Variants in ARK2C observed in about 807,000 individuals in gnomAD.
ARK2C encodes the protein E3 ubiquitin-protein ligase ARK2C.
chr18:46,447,458 AG>A, the ARK2C span: 5 of 1,235,788 alleles, frequency 4.0e-6, no homozygotes, highest in Non-Finnish European at 5.9e-6. Flanking sequence ...CAGCTCTGGC[AG>A]GGTGTCACTC....
the ARK2C span, among the ~76,000 whole-genome samples, chr18:46,342,500 A>G: frequency 6.6e-6 from 1 of 152,354 alleles, no homozygotes; most frequent in East Asian, 1.9e-4. Context: ...GGGAGGGTGC[A>G]TGGTGGACCA....
the ARK2C span, among the ~76,000 whole-genome samples, chr18:46,362,750 A>G: frequency 2.0e-5 from 3 of 152,252 alleles, no homozygotes; most frequent in Non-Finnish European, 4.4e-5. Flanking sequence ...CACATGCTCA[A>G]AGTGCTTGAC....
the ARK2C span, among the ~76,000 whole-genome samples, chr18:46,341,319 A>G: frequency 5.5e-5 from 7 of 126,336 alleles, no homozygotes; most frequent in Non-Finnish European, 8.3e-5. Context: ...GAGGTCAGGG[A>G]GGGGGGTGGG....
chr18:46,358,974 C>T, the ARK2C span, among the ~76,000 whole-genome samples: 1 of 152,208 alleles, frequency 6.6e-6, no homozygotes, highest in Non-Finnish European at 1.5e-5. Flanking sequence ...TTTGTCCATG[C>T]CACTGTGTGG....
At chr18:46,375,027 G>T in the ARK2C span, among the ~76,000 whole-genome samples, 1 of 152,154 alleles carries the variant, frequency 6.6e-6, no homozygotes, top group African/African-American at 2.4e-5. Context: ...ATAGGTGGAG[G>T]ACCAGAGAGA....
chr18:46,334,128 G>A, the ARK2C span: 1 of 223,586 alleles, frequency 4.5e-6, no homozygotes, highest in Non-Finnish European at 7.4e-6. The surrounding 1 kb of genome is among the most constrained non-coding windows in gnomAD (Gnocchi z 4.4). Flanking sequence ...CCCGCCAGCC[G>A]CCGCCCCACC....
the ARK2C span, chr18:46,433,496 C>T: frequency 6.2e-7 from 1 of 1,606,460 alleles, no homozygotes; most frequent in Non-Finnish European, 8.5e-7. Flanking sequence ...AGGCTGGTCT[C>T]GCACCCCAGG....
At chr18:46,355,907 G>GTGA in the ARK2C span, among the ~76,000 whole-genome samples, 28 of 152,204 alleles carry the variant, frequency 1.8e-4, 1 homozygote, top group South Asian at 1.0e-3. Flanking sequence ...GACGACAATG[G>GTGA]TGATGATGAT....
chr18:46,408,086 G>A, the ARK2C span, among the ~76,000 whole-genome samples: 3 of 152,214 alleles, frequency 2.0e-5, no homozygotes, highest in South Asian at 2.1e-4. Flanking sequence ...GAAGCTCCAG[G>A]ATGTCTGGAG....
the ARK2C span, chr18:46,456,614 C>T: frequency 1.9e-6 from 3 of 1,613,548 alleles, no homozygotes; most frequent in Non-Finnish European, 2.5e-6. Context: ...GACATTGAGA[C>T]ACAACTGGGA....
chr18:46,430,528 G>A, the ARK2C span, among the ~76,000 whole-genome samples: 1 of 152,294 alleles, frequency 6.6e-6, no homozygotes, highest in African/African-American at 2.4e-5. Flanking sequence ...AACAGGCTTT[G>A]TAGTTTTTGT....
chr18:46,343,259 A>G, the ARK2C span, among the ~76,000 whole-genome samples: 4 of 152,222 alleles, frequency 2.6e-5, no homozygotes, highest in Non-Finnish European at 5.9e-5. Flanking sequence ...GAGTGGAGGC[A>G]GATAAGAGAA....
the ARK2C span, among the ~76,000 whole-genome samples, chr18:46,415,263 G>T: frequency 6.6e-6 from 1 of 152,232 alleles, no homozygotes; most frequent in African/African-American, 2.4e-5. Context: ...GTTCACACCT[G>T]TAATCCCAAC....
chr18:46,342,239 G>T, the ARK2C span, among the ~76,000 whole-genome samples: 1 of 152,190 alleles, frequency 6.6e-6, no homozygotes, highest in East Asian at 1.9e-4. Flanking sequence ...CTAGGTGATT[G>T]GACACTCGAC....
At chr18:46,339,207 A>G in the ARK2C span, among the ~76,000 whole-genome samples, 1 of 152,214 alleles carries the variant, frequency 6.6e-6, no homozygotes, top group Non-Finnish European at 1.5e-5. Context: ...AAAGCCTCCA[A>G]TCCAACCTCA....
the ARK2C span, among the ~76,000 whole-genome samples, chr18:46,422,257 T>C: frequency 6.6e-6 from 1 of 152,182 alleles, no homozygotes; most frequent in Non-Finnish European, 1.5e-5. Flanking sequence ...TTCCCCACAA[T>C]TTCCCCACAC....
the ARK2C span, among the ~76,000 whole-genome samples, chr18:46,358,127 C>T: frequency 6.6e-6 from 1 of 152,202 alleles, no homozygotes; most frequent in South Asian, 2.1e-4. Context: ...GGGATTAGGA[C>T]ATCAACCTAT....
the ARK2C span, among the ~76,000 whole-genome samples, chr18:46,363,587 A>G: frequency 6.6e-6 from 1 of 152,102 alleles, no homozygotes; most frequent in Non-Finnish European, 1.5e-5. Flanking sequence ...GTTGATGTCC[A>G]CTCAGTGTAC....
At chr18:46,419,537 C>CTCG in the ARK2C span, among the ~76,000 whole-genome samples, 1 of 152,222 alleles carries the variant, frequency 6.6e-6, no homozygotes, top group Non-Finnish European at 1.5e-5. Flanking sequence ...CAGGCACAAT[C>CTCG]TCGGCCTGAG....
Sources: gnomAD v4.1 joint callset for allele counts (sites outside exome capture counted in the v4.1 genomes callset) on GRCh38, gnomAD v4.1.1 for gene constraint, Gnocchi (gnomAD v3.1) non-coding constraint, MANE v1.5 for transcripts, NCBI Gene and HGNC (gene_info 2026-07-23, HGNC 2026-07-21) for gene names.